Variants in UBE3C observed in about 807,000 individuals in gnomAD.
UBE3C encodes the protein ubiquitin-protein ligase E3C.
Under a neutral mutation model 129.4 loss-of-function variants are expected in UBE3C, and 42 were observed. The observed-to-expected ratio is 0.32, with a 90% CI of 0.25 to 0.42. The LOEUF is 0.42. Ranked by LOEUF, UBE3C falls within the 10% of genes least tolerant of loss-of-function variation. UBE3C has a pLI of 1.00. For synonymous variants in UBE3C, 510 were observed against 492.4 expected, an observed-to-expected ratio of 1.04 and a Z score of -0.47; for missense variants, 1,049 against 1,319.1, an observed-to-expected ratio of 0.80 and a Z score of 3.17.
chr7:157,236,077 A>T (rs1368946080), intron 18 of UBE3C, among the ~76,000 whole-genome samples: 2 of 152,252 alleles, frequency 1.3e-5, no homozygotes, highest in African/African-American at 4.8e-5. Flanking sequence ...GATCCTGCAG[A>T]GGAAGAATTA....
Position 157,246,871 on chromosome 7 carries a change from A to C in UBE3C, c.2482-1497A>C, listed in dbSNP as rs1288080843. ...GGGAAAATAGGATCACTGTAAATAC[A>C]CATCTCTCTGAAGACTGGATATTTT... On this transcript the variant is annotated intron_variant, in intron 18 of 22. Transcript: ENST00000348165. Among the ~76,000 whole-genome samples, 4 of 152,246 alleles carry C rather than the reference A, an allele frequency of 2.6e-5. No homozygotes were observed. The East Asian group carries it at 7.7e-4, about 29-fold the overall frequency.
intron 13 of UBE3C, among the ~76,000 whole-genome samples, chr7:157,210,075 G>T (rs1322992000): frequency 1.3e-5 from 2 of 152,190 alleles, no homozygotes; most frequent in Non-Finnish European, 2.9e-5. Context: ...TACTAGGGAG[G>T]CTGGGGCAGG....
intron 18 of UBE3C, among the ~76,000 whole-genome samples, chr7:157,240,171 C>G (rs1015536900): frequency 6.6e-6 from 1 of 152,144 alleles, no homozygotes; most frequent in Non-Finnish European, 1.5e-5. Flanking sequence ...TCTCGTGCCT[C>G]AGCCTCCCAA....
chr7:157,251,445 T>C (rs1033295549), intron 19 of UBE3C, among the ~76,000 whole-genome samples: 1 of 152,206 alleles, frequency 6.6e-6, no homozygotes, highest in Admixed American at 6.5e-5. Flanking sequence ...GTAGAAAAGA[T>C]TGGACTTGAG....
intron 1 of UBE3C, among the ~76,000 whole-genome samples, chr7:157,163,141 T>C (rs1808116736): frequency 6.6e-6 from 1 of 151,960 alleles, no homozygotes; most frequent in South Asian, 2.1e-4. Flanking sequence ...ATCCCAGCAC[T>C]TTGGGAGGCC....
intron 10 of UBE3C, among the ~76,000 whole-genome samples, chr7:157,201,407 G>C (rs1444196546): frequency 6.6e-6 from 1 of 151,878 alleles, no homozygotes; most frequent in African/African-American, 2.4e-5. Flanking sequence ...TGTAGCAGAG[G>C]GGGAGCAGGT....
chr7:157,239,919 G>A (rs553303488), intron 18 of UBE3C, among the ~76,000 whole-genome samples: 1 of 152,172 alleles, frequency 6.6e-6, no homozygotes, highest in Non-Finnish European at 1.5e-5. Flanking sequence ...TGCTTTCTGG[G>A]TGATGCAGCA....
At position 157,162,005 on chromosome 7, in the gene UBE3C, G is replaced by A. The variant is rs555083824; in HGVS notation, c.67-1805G>A. 1.6e-4 allele frequency among the ~76,000 whole-genome samples: 25 copies of A among 151,920 alleles called. 1 individual carries two copies. The South Asian group carries it at 5.2e-3, about 32-fold the overall frequency. On this transcript the variant is annotated intron_variant, in intron 1 of 22. Transcript: ENST00000348165. ...GAATTGCTTGAAACCGGGAGGCAGA[G>A]GTTGCAGTGAGCCAAGATCGCCACT...
At chr7:157,260,570 G>A (rs751374370) in intron 22 of UBE3C, among the ~76,000 whole-genome samples, 1 of 152,190 alleles carries the variant, frequency 6.6e-6, no homozygotes, top group Non-Finnish European at 1.5e-5. Context: ...CTTTTTATCG[G>A]TAAAGATTTT....
chr7:157,266,683 T>G (rs1439784853), intron 22 of UBE3C, among the ~76,000 whole-genome samples: 1 of 152,234 alleles, frequency 6.6e-6, no homozygotes, highest in East Asian at 1.9e-4. Context: ...CACCAATGAT[T>G]TGGTTAACCC....
At chr7:157,204,484 C>T (rs1428038277) in intron 11 of UBE3C, among the ~76,000 whole-genome samples, 3 of 151,688 alleles carry the variant, frequency 2.0e-5, no homozygotes, top group Non-Finnish European at 4.4e-5. Context: ...ACCTCACAAG[C>T]TTATCAGGTA....
At chr7:157,215,674 A>C (rs922535401) in intron 13 of UBE3C, among the ~76,000 whole-genome samples, 2 of 151,914 alleles carry the variant, frequency 1.3e-5, no homozygotes, top group African/African-American at 4.8e-5. Context: ...GGCAGCATGC[A>C]TACAGGCCTG....
chr7:157,226,614 C>G (rs1328698720), intron 17 of UBE3C, among the ~76,000 whole-genome samples: 2 of 152,016 alleles, frequency 1.3e-5, no homozygotes, highest in Non-Finnish European at 2.9e-5. Flanking sequence ...GAAATGAAAC[C>G]TGATTTCTAA....
chr7:157,230,787 G>A (rs933943641), intron 17 of UBE3C, among the ~76,000 whole-genome samples: 11 of 151,634 alleles, frequency 7.3e-5, no homozygotes, highest in Non-Finnish European at 1.0e-4. Flanking sequence ...ACATCGGCCT[G>A]TGGGCTGCAG....
At chr7:157,242,516 T>TGTG (rs398048214) in intron 18 of UBE3C, among the ~76,000 whole-genome samples, 2 of 127,790 alleles carry the variant, frequency 1.6e-5, no homozygotes, top group Non-Finnish European at 3.4e-5. Flanking sequence ...CCTGAGTTGT[T>TGTG]TTTTTTTTTT....
Position 157,223,464 on chromosome 7 carries a change from C to G in UBE3C, c.2100+113C>G, listed in dbSNP as rs1795793187. 3 of 855,030 alleles carry G rather than the reference C, an allele frequency of 3.5e-6. No individual in the cohort carries two copies. The East Asian group carries it at 7.8e-5, about 22-fold the overall frequency. 53.0% of individuals were successfully genotyped at this position (855,030 alleles called of 1,614,324 possible). A position where few individuals can be genotyped will look rare whatever the true frequency, so the allele number is the denominator to read the frequency against. On this transcript the variant is annotated intron_variant, in intron 16 of 22. Transcript: ENST00000348165. ...GCCTAGTGCCTGGCTGATTACATAA[C>G]ATACTTTTCTCATTAGGCTGAAATA...
intron 3 of UBE3C, among the ~76,000 whole-genome samples, chr7:157,169,825 T>G (rs1050467818): frequency 1.3e-5 from 2 of 152,070 alleles, no homozygotes; most frequent in Non-Finnish European, 2.9e-5. Context: ...GGACTACAGG[T>G]GCATACCACC....
intron 1 of UBE3C, among the ~76,000 whole-genome samples, chr7:157,154,482 T>C (rs1204919989): frequency 2.0e-5 from 3 of 152,286 alleles, no homozygotes; most frequent in East Asian, 1.9e-4. Flanking sequence ...AGAGATCATA[T>C]TGCTTTTTCA....
At chr7:157,155,449 A>G (rs2116830589) in intron 1 of UBE3C, among the ~76,000 whole-genome samples, 1 of 152,268 alleles carries the variant, frequency 6.6e-6, no homozygotes, top group East Asian at 1.9e-4. Context: ...AAATCAAGAT[A>G]TTTACAAACA....
Sources: gnomAD v4.1 joint callset for allele counts (sites outside exome capture counted in the v4.1 genomes callset) on GRCh38, gnomAD v4.1.1 for gene constraint, MANE v1.5 for transcripts, NCBI Gene and HGNC (gene_info 2026-07-23, HGNC 2026-07-21) for gene names.